FOXO1: variants seen among roughly 807,000 people sequenced by gnomAD.
FOXO1 encodes forkhead box O1, also known as forkhead box protein O1.
A neutral mutation model predicts 44.1 loss-of-function variants in FOXO1; 6 were observed. That is an observed-to-expected ratio of 0.14 (90% confidence interval 0.07 to 0.27). The LOEUF (loss-of-function observed/expected upper bound fraction) is 0.27. Ranked by LOEUF, FOXO1 falls within the 10% of genes least tolerant of loss-of-function variation. The pLI, the probability that FOXO1 is intolerant of heterozygous loss-of-function variation, is 1.00. For synonymous variants in FOXO1, 380 were observed against 362.7 expected, an observed-to-expected ratio of 1.05 and a Z score of -0.54; for missense variants, 737 against 888.8, an observed-to-expected ratio of 0.83 and a Z score of 2.17.
chr13:40,613,032 G>A (rs75385933), intron 1 of FOXO1, among the ~76,000 whole-genome samples: 6,043 of 152,292 alleles, frequency 0.04, 192 homozygotes, highest in Middle Eastern at 0.068. Context: ...CAAGACAGAG[G>A]TGAAGAATTA....
intron 1 of FOXO1, among the ~76,000 whole-genome samples, chr13:40,605,891 G>A (rs894173179): frequency 1.3e-4 from 19 of 151,992 alleles, no homozygotes; most frequent in African/African-American, 4.1e-4. Context: ...CTTATCAGCT[G>A]ACAAGTATTG....
In FOXO1 at chr13:40,656,525, C is replaced by T. The variant is rs184917921; in HGVS notation, c.630+9058G>A. On this transcript the variant is annotated intron_variant, in intron 1 of 2. Transcript: ENST00000379561. ...AAATACATTGTAAATGCCAACTATT[C>T]ACATTAAGTCAATTACATAATCTGT... 1.3e-3 allele frequency among the ~76,000 whole-genome samples: 203 copies of T among 152,326 alleles called. 1 individual carries two copies. The highest frequency in any genetic ancestry group is 4.7e-3 in the African/African-American group (196 of 41,576).
chr13:40,584,143 A>G (rs779994798), intron 1 of FOXO1, among the ~76,000 whole-genome samples: 6 of 152,118 alleles, frequency 3.9e-5, no homozygotes, highest in Non-Finnish European at 7.4e-5. Context: ...TTAAGTTTGC[A>G]GTCTTATATG....
At chr13:40,657,324 T>TC (rs1324725965) in intron 1 of FOXO1, among the ~76,000 whole-genome samples, 30 of 150,282 alleles carry the variant, frequency 2.0e-4, no homozygotes, top group African/African-American at 7.1e-4. Flanking sequence ...TTTTTCTTTT[T>TC]TTTTTTTTTT....
At chr13:40,606,441 C>G (rs889619182) in intron 1 of FOXO1, among the ~76,000 whole-genome samples, 26 of 152,248 alleles carry the variant, frequency 1.7e-4, no homozygotes, top group Admixed American at 1.3e-3. Context: ...TCCTGAGTAG[C>G]TGGGATTACA....
intron 1 of FOXO1, chr13:40,620,333 C>G: frequency 1.2e-6 from 1 of 803,768 alleles, no homozygotes; most frequent in Non-Finnish European, 2.2e-6. Flanking sequence ...CTATTCAAAG[C>G]AATAGTGGGG....
chr13:40,582,437 T>C (rs1369685290), intron 1 of FOXO1, among the ~76,000 whole-genome samples: 1 of 151,324 alleles, frequency 6.6e-6, no homozygotes, highest in Non-Finnish European at 1.5e-5. Flanking sequence ...GATTGACTCT[T>C]TCTTTCACGA....
At chr13:40,620,571 G>T in intron 1 of FOXO1, 1 of 433,700 alleles carries the variant, frequency 2.3e-6, no homozygotes, top group South Asian at 2.6e-5. Context: ...TCAGAGAAAT[G>T]GTCAGCATTT....
chr13:40,643,695 A>G (rs1286334783), intron 1 of FOXO1, among the ~76,000 whole-genome samples: 2 of 152,160 alleles, frequency 1.3e-5, no homozygotes, highest in African/African-American at 4.8e-5. Flanking sequence ...TTATGTTTTT[A>G]TGTAAAAATA....
intron 1 of FOXO1, among the ~76,000 whole-genome samples, chr13:40,605,086 T>C (rs557076204): frequency 1.3e-5 from 2 of 151,862 alleles, no homozygotes; most frequent in Non-Finnish European, 2.9e-5. Flanking sequence ...ATATATCATA[T>C]ATATGTATAT....
intron 1 of FOXO1, among the ~76,000 whole-genome samples, chr13:40,639,623 G>C (rs1228559454): frequency 6.6e-6 from 1 of 152,220 alleles, no homozygotes. Flanking sequence ...ATAATTCTCT[G>C]TTATGGGAGG....
At chr13:40,591,128 G>C (rs113880178) in intron 1 of FOXO1, among the ~76,000 whole-genome samples, 1 of 152,000 alleles carries the variant, frequency 6.6e-6, no homozygotes. Context: ...GAGGTCCATC[G>C]TTTCTGATCT....
chr13:40,604,598 A>G (rs937178943), intron 1 of FOXO1, among the ~76,000 whole-genome samples: 11 of 152,166 alleles, frequency 7.2e-5, no homozygotes, highest in Non-Finnish European at 1.6e-4. Context: ...ACTACAGAGA[A>G]CTAACTGAAA....
chr13:40,586,763 G>A (rs1264341546), intron 1 of FOXO1, among the ~76,000 whole-genome samples: 2 of 152,128 alleles, frequency 1.3e-5, no homozygotes, highest in South Asian at 2.1e-4. Context: ...GCACAAGACT[G>A]CCCCTCTGTC....
intron 1 of FOXO1, among the ~76,000 whole-genome samples, chr13:40,643,337 GT>G (rs1164755551): frequency 1.4e-5 from 2 of 138,878 alleles, no homozygotes; most frequent in Non-Finnish European, 3.1e-5. Context: ...GTGAGACTCC[GT>G]CTCAAAAAGA....
At chr13:40,580,968 G>A (rs890994297) in intron 1 of FOXO1, among the ~76,000 whole-genome samples, 2 of 152,210 alleles carry the variant, frequency 1.3e-5, no homozygotes, top group Admixed American at 6.5e-5. Flanking sequence ...CGGCGCTTCC[G>A]CTAGCTAGAT....
intron 1 of FOXO1, among the ~76,000 whole-genome samples, chr13:40,568,528 A>G (rs1388140623): frequency 6.6e-6 from 1 of 152,236 alleles, no homozygotes; most frequent in East Asian, 1.9e-4. Context: ...TGCAAACAGA[A>G]GGAAAACATG....
chr13:40,638,167 C>T (rs1593410096), intron 1 of FOXO1, among the ~76,000 whole-genome samples: 1 of 152,168 alleles, frequency 6.6e-6, no homozygotes, highest in Admixed American at 6.5e-5. Flanking sequence ...AATTTAGGAA[C>T]AGCAAGGATT....
intron 1 of FOXO1, among the ~76,000 whole-genome samples, chr13:40,622,771 T>C (rs986736024): frequency 6.6e-6 from 1 of 152,174 alleles, no homozygotes; most frequent in Non-Finnish European, 1.5e-5. Flanking sequence ...TTTTTTATCA[T>C]TATTCCTCAG....
Sources: gnomAD v4.1 joint callset for allele counts (sites outside exome capture counted in the v4.1 genomes callset) on GRCh38, gnomAD v4.1.1 for gene constraint, MANE v1.5 for transcripts, NCBI Gene and HGNC (gene_info 2026-07-23, HGNC 2026-07-21) for gene names.